ZNF875: variants seen among roughly 807,000 people sequenced by gnomAD.
The protein encoded by ZNF875 is HKR1, GLI-Kruppel zinc finger family member.
In ZNF875, 14 loss-of-function variants were observed where a neutral mutation model predicts 11.2. That is an observed-to-expected ratio of 1.26 (90% CI 0.83 to 1.96). The LOEUF (loss-of-function observed/expected upper bound fraction) is 1.96. ZNF875 is among the 30% of genes most tolerant of loss of function. The probability of loss-of-function intolerance (pLI) is 0.00; values close to 1 mark genes in which losing one functional copy is unlikely to be tolerated. For synonymous variants in ZNF875, 301 were observed against 281.1 expected, an observed-to-expected ratio of 1.07 and a Z score of -0.71; for missense variants, 752 against 760.4, an observed-to-expected ratio of 0.99 and a Z score of 0.13.
In ZNF875 at chr19:37,363,857, C is replaced by T. The variant is rs779183045; in HGVS notation, c.*82C>T. The T allele has an allele frequency of 6.5e-6, 8 of 1,231,352 alleles. No homozygotes were observed. Among genetic ancestry groups the T allele is most frequent in the Middle Eastern group, 1.9e-4 (1 of 5,218 alleles). The allele number at this position is 1,231,352 out of a possible 1,614,324, so 76.3% of individuals were successfully genotyped here. On this transcript the variant is annotated 3_prime_UTR_variant, in exon 5 of 5. Coordinates refer to ENST00000392153, the MANE Select transcript of ZNF875 (RefSeq NM_001353803.2). ...CAGACACCAGAGGACACACACAGTG[C>T]TGTGGCTTTTTCAGCCATTGCTAGA...
chr19:37,340,342 C>T (rs1425495100), intron 2 of ZNF875, among the ~76,000 whole-genome samples: 2 of 152,102 alleles, frequency 1.3e-5, no homozygotes, highest in African/African-American at 2.4e-5. Flanking sequence ...TTTTGATTAC[C>T]GGGGTAGACC....
intron 4 of ZNF875, chr19:37,357,937 A>T: frequency 2.5e-6 from 1 of 398,380 alleles, no homozygotes; most frequent in Non-Finnish European, 4.4e-6. Context: ...GAGAGCAGAC[A>T]TCCTTTTCTT....
chr19:37,327,245 G>T (rs1457037487), intron 4 of ZNF875, among the ~76,000 whole-genome samples: 2 of 151,308 alleles, frequency 1.3e-5, no homozygotes, highest in African/African-American at 4.9e-5. Context: ...CGCCCACCTC[G>T]GCCTCCCAAA....
chr19:37,315,608 G>T (rs76577460), upstream of ZNF875: 1 of 152,124 alleles, frequency 6.6e-6, no homozygotes, highest in African/African-American at 2.4e-5. Context: ...CAAAAGAGGA[G>T]TTTGCTGAGT....
At chr19:37,317,179 G>GTTTTTTTTTTTTTTTTTTTT (rs774349345), upstream of ZNF875, 1 of 59,018 alleles carries the variant, frequency 1.7e-5, no homozygotes, top group Non-Finnish European at 2.8e-5. Flanking sequence ...TACTAACCTG[G>GTTTTTTTTTTTTTTTTTTTT]TTTTTTTTTT....
At position 37,362,162 on chromosome 19, in the gene ZNF875, C is replaced by CT; in HGVS notation, c.310_311insT (p.Gln104LeufsTer46). On this transcript the variant is annotated frameshift_variant, in exon 5 of 5. Transcript: ENST00000392153. LOFTEE classifies it low-confidence loss of function (END_TRUNC). ...CTCCTGCCCTCTGATTTTCTCCAGTCAGCAAGCTCTCAGCCAACATGTGTG... is the reference window on the plus strand; with the variant it reads ...CTCCTGCCCTCTGATTTTCTCCAGTCTAGCAAGCTCTCAGCCAACATGTGTG... 6.2e-7 allele frequency: 1 copy of CT among 1,614,112 alleles called. No individual in the cohort carries two copies. The highest frequency in any genetic ancestry group is 8.5e-7 in the Non-Finnish European group (1 of 1,180,010).
chr19:37,341,702 C>G (rs543306555), intron 2 of ZNF875, among the ~76,000 whole-genome samples: 1 of 152,122 alleles, frequency 6.6e-6, no homozygotes, highest in Non-Finnish European at 1.5e-5. Flanking sequence ...TCACCCCCCT[C>G]CCAAGATCCC....
chr19:37,315,697 G>A (rs528633275), upstream of ZNF875: 7 of 152,242 alleles, frequency 4.6e-5, no homozygotes, highest in South Asian at 1.4e-3. Context: ...ATTACATGGA[G>A]AAGGGCCAAG....
intron 4 of ZNF875, among the ~76,000 whole-genome samples, chr19:37,348,442 C>A (rs2037246265): frequency 6.6e-6 from 1 of 152,174 alleles, no homozygotes; most frequent in African/African-American, 2.4e-5. Context: ...TTGTAATTCT[C>A]ATGCATGGCT....
upstream of ZNF875, among the ~76,000 whole-genome samples, chr19:37,333,859 A>G (rs887487425): frequency 6.6e-6 from 1 of 152,024 alleles, no homozygotes; most frequent in African/African-American, 2.4e-5. Context: ...GCAAAAAGAA[A>G]ACACCCCTGT....
intron 4 of ZNF875, among the ~76,000 whole-genome samples, chr19:37,353,768 T>C (rs2146454014): frequency 6.6e-6 from 1 of 152,298 alleles, no homozygotes; most frequent in Middle Eastern, 3.4e-3. Context: ...ATATTGTTCT[T>C]TTATATTTTG....
chr19:37,313,726 G>C (rs1293842903), upstream of ZNF875, among the ~76,000 whole-genome samples: 3 of 143,204 alleles, frequency 2.1e-5, no homozygotes, highest in Non-Finnish European at 4.5e-5. Flanking sequence ...AGACTGTGTT[G>C]ACCATTTTAC....
chr19:37,361,976 TG>T, intron 4 of ZNF875, 132 bp from the exon 5 acceptor site: 2 of 638,638 alleles, frequency 3.1e-6, no homozygotes. Flanking sequence ...AAATAGATGC[TG>T]GGAAGGATGT....
Position 37,347,766 on chromosome 19 carries a change from C to T in ZNF875, c.161-11C>T, listed in dbSNP as rs2037092523. 1 of 1,578,680 alleles carries T rather than the reference C, an allele frequency of 6.3e-7. No homozygotes were observed. The highest frequency in any genetic ancestry group is 8.7e-7 in the Non-Finnish European group (1 of 1,147,968). ...AACCAACAATGTCCTCATTTTCTTC[C>T]CTATGAACAGAAATTCCATCTTCTA... On this transcript the variant is annotated splice_polypyrimidine_tract_variant and intron_variant, in intron 3 of 4. Transcript: ENST00000392153.
rs570034370 is a variant in ZNF875, at chr19:37,343,553, T to C, written c.34-3637T>C. Among the ~76,000 whole-genome samples the C allele has an allele frequency of 7.9e-4, 120 of 152,234 alleles. 3 individuals are homozygous for C. Among genetic ancestry groups the C allele is most frequent in the Non-Finnish European group, 1.2e-4 (8 of 68,022 alleles). ...CTCAACCTGTCTGGTGGTTGACAGCTTGGTTGGCTGGGATGCTTCAATTCC... is the reference window on the plus strand; with the variant it reads ...CTCAACCTGTCTGGTGGTTGACAGCCTGGTTGGCTGGGATGCTTCAATTCC... On this transcript the variant is annotated intron_variant, in intron 2 of 4. Transcript: ENST00000392153.
chr19:37,332,887 A>G (rs551624726), upstream of ZNF875, among the ~76,000 whole-genome samples: 1 of 152,340 alleles, frequency 6.6e-6, no homozygotes, highest in Non-Finnish European at 1.5e-5. Context: ...AGCACAGATA[A>G]TGACAAGTGG....
At chr19:37,348,803 G>A (rs1476541611) in intron 4 of ZNF875, among the ~76,000 whole-genome samples, 1 of 152,138 alleles carries the variant, frequency 6.6e-6, no homozygotes, top group Non-Finnish European at 1.5e-5. Context: ...ATGTACCTAG[G>A]AATAGGACAG....
rs1298875252 is a variant in ZNF875, at chr19:37,334,894, C to T, written c.-57+112C>T. 4 of 449,602 alleles carry T rather than the reference C, an allele frequency of 8.9e-6. No homozygotes were observed. In the East Asian group the frequency reaches 2.4e-4, roughly 27 times the overall value. The allele number at this position is 449,602 out of a possible 1,614,324, so 27.9% of individuals were successfully genotyped here. On this transcript the variant is annotated intron_variant, in intron 1 of 4. Transcript: ENST00000392153. Reference sequence around the variant, plus strand: ...AACTAGGGCGCTCTCCTTTGGGCACCTCCAGGCCATTTTCCTTTCATTCGA... The same window carrying T: ...AACTAGGGCGCTCTCCTTTGGGCACTTCCAGGCCATTTTCCTTTCATTCGA...
intron 2 of ZNF875, chr19:37,344,801 CTA>C: frequency 7.5e-7 from 1 of 1,326,392 alleles, no homozygotes; most frequent in South Asian, 1.2e-5. Context: ...TAAAGTAACA[CTA>C]ATTGCTCTGT....
Sources: gnomAD v4.1 joint callset for allele counts (sites outside exome capture counted in the v4.1 genomes callset) on GRCh38, gnomAD v4.1.1 for gene constraint, MANE v1.5 for transcripts, NCBI Gene and HGNC (gene_info 2026-07-23, HGNC 2026-07-21) for gene names.